Variants in CNBD1 observed in about 807,000 individuals in gnomAD.
CNBD1 encodes cyclic nucleotide binding domain containing 1, also known as cyclic nucleotide-binding domain-containing protein 1.
CNBD1 carries 71 observed loss-of-function variants against 54.4 expected under a neutral mutation model. The ratio of observed to expected loss-of-function variants is 1.30; its 90% CI spans 1.08 to 1.59. The LOEUF is 1.59. CNBD1 is among the 40% of genes most tolerant of loss of function. The pLI is 0.00. For missense variants in CNBD1, 659 were observed against 518.0 expected (o/e 1.27, Z -2.64); for synonymous variants, 182 against 170.7 (o/e 1.07, Z -0.51).
chr8:87,308,666 G>T (rs1809204845), intron 8 of CNBD1, among the ~76,000 whole-genome samples: 1 of 152,054 alleles, frequency 6.6e-6, no homozygotes, highest in African/African-American at 2.4e-5. Flanking sequence ...TCACCTTACT[G>T]TGATTTGGAA....
intron 4 of CNBD1, among the ~76,000 whole-genome samples, chr8:86,948,430 A>G (rs147925301): frequency 1.9e-3 from 290 of 152,172 alleles, no homozygotes; most frequent in Middle Eastern, 6.8e-3. Context: ...GTTATTGCCT[A>G]TCTTTTGGAT....
Position 87,150,911 on chromosome 8 carries a change from A to C in CNBD1, c.432-55082A>C, listed in dbSNP as rs1051254448. Among the ~76,000 whole-genome samples, 3 of 152,208 alleles carry C rather than the reference A, an allele frequency of 2.0e-5. No homozygotes were observed. The East Asian group carries it at 5.8e-4, about 29-fold the overall frequency. ...AGGCTGGGGAAAAAATTACATCTCA[A>C]GAAGCAGAGAAAGAATTTACAGTTG... On this transcript the variant is annotated intron_variant, in intron 4 of 10. Coordinates refer to ENST00000518476, the MANE Select transcript of CNBD1 (RefSeq NM_173538.3).
chr8:87,144,807 C>T (rs1468007102), intron 4 of CNBD1, among the ~76,000 whole-genome samples: 20 of 121,900 alleles, frequency 1.6e-4, no homozygotes, highest in South Asian at 7.5e-4. Context: ...GCAAGGAGAG[C>T]GAAACTATGC....
chr8:87,099,157 G>C (rs1811380644), intron 4 of CNBD1, among the ~76,000 whole-genome samples: 1 of 151,154 alleles, frequency 6.6e-6, no homozygotes, highest in Admixed American at 6.6e-5. Flanking sequence ...AAGAATATCA[G>C]CGCTATTGTA....
chr8:87,293,505 T>TGCA (rs1808822434), intron 8 of CNBD1, among the ~76,000 whole-genome samples: 1 of 152,176 alleles, frequency 6.6e-6, no homozygotes, highest in Non-Finnish European at 1.5e-5. Context: ...ATCGTGCTGC[T>TGCA]GCACTCCAGC....
intron 10 of CNBD1, among the ~76,000 whole-genome samples, 198 bp from the exon 11 acceptor site, chr8:87,382,422 C>A (rs1328536413): frequency 6.6e-6 from 1 of 151,948 alleles, no homozygotes; most frequent in African/African-American, 2.4e-5. Context: ...GAAAAATGAT[C>A]ACTCTCAAAT....
chr8:87,306,963 A>G (rs1809164790), intron 8 of CNBD1, among the ~76,000 whole-genome samples: 1 of 152,184 alleles, frequency 6.6e-6, no homozygotes. Flanking sequence ...AAAAAAATGT[A>G]CTCAATAACT....
At chr8:87,405,008 A>G (rs545482821) in intron 2 of CNBD1, among the ~76,000 whole-genome samples, 109 of 152,196 alleles carry the variant, frequency 7.2e-4, no homozygotes, top group Middle Eastern at 6.8e-3. Flanking sequence ...AGCAAGAAAG[A>G]TTTTTGAGTC....
intron 10 of CNBD1, among the ~76,000 whole-genome samples, chr8:87,358,781 G>T (rs758181691): frequency 6.6e-6 from 1 of 152,116 alleles, no homozygotes; most frequent in Non-Finnish European, 1.5e-5. Flanking sequence ...CTTGAAAACT[G>T]GAGAGGGCAG....
At chr8:86,912,057 T>C (rs1054380470) in intron 3 of CNBD1, among the ~76,000 whole-genome samples, 1 of 152,112 alleles carries the variant, frequency 6.6e-6, no homozygotes, top group Non-Finnish European at 1.5e-5. Context: ...TGTGACATTT[T>C]TATGGGGGTG....
intron 8 of CNBD1, among the ~76,000 whole-genome samples, chr8:87,334,917 G>T (rs1012500014): frequency 7.9e-5 from 12 of 151,584 alleles, no homozygotes; most frequent in Non-Finnish European, 1.2e-4. Flanking sequence ...TAGAGACGGG[G>T]TTTCCACCAT....
intron 10 of CNBD1, among the ~76,000 whole-genome samples, chr8:87,376,159 G>A (rs1810927648): frequency 6.6e-6 from 1 of 151,888 alleles, no homozygotes; most frequent in Non-Finnish European, 1.5e-5. Context: ...AGTTCATACT[G>A]CTTCAATGCA....
rs869060076 is a variant in CNBD1, at chr8:86,894,035, A to ATTTTTTTTTTTTTTTTT, written c.158+6445_158+6461dup. ...TTTATTCATATATTTTAATAGATTAATTTTTTTTTTTTTTTTTTTTTTTTT... is the reference window on the plus strand; with the variant it reads ...TTTATTCATATATTTTAATAGATTAATTTTTTTTTTTTTTTTTTTTTTTTTTTTTTTTTTTTTTTTTT... On this transcript the variant is annotated intron_variant, in intron 2 of 10. Coordinates refer to ENST00000518476, the MANE Select transcript of CNBD1 (RefSeq NM_173538.3). Among the ~76,000 whole-genome samples the ATTTTTTTTTTTTTTTTT allele has an allele frequency of 7.6e-5, 4 of 52,368 alleles. 1 individual carries two copies. Among genetic ancestry groups the ATTTTTTTTTTTTTTTTT allele is most frequent in the African/African-American group, 1.3e-4 (2 of 15,610 alleles). The allele number at this position is 52,368 out of a possible 152,430, so 34.4% of individuals were successfully genotyped here. A position where few individuals can be genotyped will look rare whatever the true frequency, so the allele number is the denominator to read the frequency against.
chr8:86,911,447 T>C (rs920334622), intron 3 of CNBD1, among the ~76,000 whole-genome samples: 2 of 152,218 alleles, frequency 1.3e-5, no homozygotes, highest in Non-Finnish European at 2.9e-5. Context: ...AAAAATGTAT[T>C]TATTCAAAAT....
At chr8:87,175,712 G>A (rs1813182862) in intron 4 of CNBD1, among the ~76,000 whole-genome samples, 1 of 152,216 alleles carries the variant, frequency 6.6e-6, no homozygotes, top group South Asian at 2.1e-4. Flanking sequence ...AGTTGTGCAT[G>A]CACTCTTTTA....
At chr8:86,979,257 A>G (rs1808412326) in intron 4 of CNBD1, among the ~76,000 whole-genome samples, 1 of 151,960 alleles carries the variant, frequency 6.6e-6, no homozygotes, top group Admixed American at 6.6e-5. Context: ...AATTAAAAGA[A>G]TAAAGACTAT....
At chr8:87,328,901 T>G (rs1162453152) in intron 8 of CNBD1, among the ~76,000 whole-genome samples, 1 of 152,166 alleles carries the variant, frequency 6.6e-6, no homozygotes, top group East Asian at 1.9e-4. Flanking sequence ...CATTTATGAA[T>G]TAATAAAAAT....
intron 8 of CNBD1, among the ~76,000 whole-genome samples, chr8:87,333,747 T>G (rs184629043): frequency 6.6e-5 from 10 of 152,324 alleles, no homozygotes; most frequent in African/African-American, 2.4e-4. Context: ...AGCTTTTTGA[T>G]GTGCTTCTGG....
intron 4 of CNBD1, among the ~76,000 whole-genome samples, chr8:87,011,204 A>G (rs1399220334): frequency 6.7e-6 from 1 of 149,014 alleles, no homozygotes; most frequent in Non-Finnish European, 1.5e-5. Context: ...TTCAGTCCCT[A>G]AATCCCAATA....
Sources: allele counts gnomAD v4.1 joint callset (sites outside exome capture counted in the v4.1 genomes callset), GRCh38; gene constraint gnomAD v4.1.1; transcripts MANE v1.5; gene names NCBI Gene and HGNC (gene_info 2026-07-23, HGNC 2026-07-21).